BFSP2: variants seen among roughly 807,000 people sequenced by gnomAD.
BFSP2 encodes the protein phakinin.
In BFSP2, 38 loss-of-function variants were observed where a neutral mutation model predicts 44.9. The observed-to-expected ratio is 0.85, with a 90% confidence interval of 0.65 to 1.11. BFSP2 has a LOEUF of 1.11. Among genes scored for constraint, BFSP2 ranks in the 50% least tolerant of loss-of-function variants. BFSP2 has a pLI of 0.00. For synonymous variants in BFSP2, 197 were observed against 209.9 expected, an observed-to-expected ratio of 0.94 and a Z score of 0.53; for missense variants, 525 against 533.0, an observed-to-expected ratio of 0.99 and a Z score of 0.15.
In BFSP2 at chr3:133,450,398, C is replaced by G. The variant is rs748970209; in HGVS notation, c.825C>G (p.Ile275Met). Residue 275 changes from isoleucine to methionine, a missense_variant, in exon 4 of 7, where the codon ATC becomes ATG. Physicochemically the swap from Ile to Met is conservative, Grantham distance 10. Transcript: ENST00000302334. ...GTCTGGACGACATCCTTGAGACGAT[C>G]AGAATTCAGTGGGAGAGAGATGTTG... ...GTGLDDILET[I>M]RIQWERDVEK... The G allele has an allele frequency of 3.7e-6, 6 of 1,613,992 alleles. No homozygotes were observed. The highest frequency in any genetic ancestry group is 1.7e-5 in the Admixed American group (1 of 60,004).
intron 1 of BFSP2, among the ~76,000 whole-genome samples, chr3:133,434,216 A>C (rs183331758): frequency 6.6e-6 from 1 of 152,160 alleles, no homozygotes; most frequent in Admixed American, 6.5e-5. Flanking sequence ...CAATTCTTAG[A>C]CCTTTTATAC....
At chr3:133,402,585 A>T (rs1299720492) in intron 1 of BFSP2, among the ~76,000 whole-genome samples, 1 of 152,120 alleles carries the variant, frequency 6.6e-6, no homozygotes, top group Non-Finnish European at 1.5e-5. Context: ...CTTCTTTTTT[A>T]AAAAATCATG....
intron 1 of BFSP2, among the ~76,000 whole-genome samples, chr3:133,446,606 A>AAAGGAG (rs2107922082): frequency 2.3e-5 from 1 of 44,344 alleles, no homozygotes; most frequent in Non-Finnish European, 4.3e-5. Context: ...ATATATATAT[A>AAAGGAG]TATATATATA....
rs1244865829 is a variant in BFSP2, at chr3:133,415,265, GCTCTACTCACCC to G, written c.489+14706_489+14717del. Among the ~76,000 whole-genome samples, 10 of 18,662 alleles carry G rather than the reference GCTCTACTCACCC, an allele frequency of 5.4e-4. No individual in the cohort carries two copies. In the East Asian group the frequency reaches 0.021, roughly 39 times the overall value. The allele number at this position is 18,662 out of a possible 152,430, so 12.2% of individuals were successfully genotyped here. ...CCCTCTACTCACCCCTGCCCCCTCTGCTCTACTCACCCCTCTACTCACCCTTGCCCTCTCCCC... is the reference window on the plus strand; with the variant it reads ...CCCTCTACTCACCCCTGCCCCCTCTGCTCTACTCACCCTTGCCCTCTCCCC... On this transcript the variant is annotated intron_variant, in intron 1 of 6. Coordinates refer to ENST00000302334, the MANE Select transcript of BFSP2 (RefSeq NM_003571.4).
At chr3:133,429,307 T>C (rs900181086) in intron 1 of BFSP2, 1 of 152,220 alleles carries the variant, frequency 6.6e-6, no homozygotes, top group Non-Finnish European at 1.5e-5. Context: ...AGATTTATTT[T>C]AGGGAATTGG....
chr3:133,469,357 C>T lies in BFSP2; in HGVS notation c.1023+2398C>T, dbSNP rs151276012. Among the ~76,000 whole-genome samples, 291 of 152,346 alleles carry T rather than the reference C, an allele frequency of 1.9e-3. 2 individuals are homozygous for T. The highest frequency in any genetic ancestry group is 5.9e-3 in the African/African-American group (246 of 41,578). On this transcript the variant is annotated intron_variant, in intron 5 of 6. Coordinates refer to ENST00000302334, the MANE Select transcript of BFSP2 (RefSeq NM_003571.4). The stretch of plus-strand genomic sequence containing the variant: ...GCGATCTGTGCACACACAAGGCCCC[C>T]GCAGCTTATATAAGCTTCAGACAGC...
chr3:133,415,321 T>C (rs114019916), intron 1 of BFSP2, among the ~76,000 whole-genome samples: 785 of 16,460 alleles, frequency 0.048, 54 homozygotes, highest in African/African-American at 0.16. Context: ...CCCCTGTCCT[T>C]TCCCCTCTAC....
intron 1 of BFSP2, among the ~76,000 whole-genome samples, chr3:133,416,769 C>T (rs1576563361): frequency 6.9e-6 from 1 of 144,428 alleles, no homozygotes; most frequent in African/African-American, 2.6e-5. Flanking sequence ...TTACTTGCCC[C>T]TACACTCTCC....
chr3:133,405,212 G>A (rs939114820), intron 1 of BFSP2, among the ~76,000 whole-genome samples: 2 of 152,176 alleles, frequency 1.3e-5, no homozygotes, highest in Admixed American at 6.5e-5. Flanking sequence ...GAGCGCAGAG[G>A]TTCTAAATTA....
rs189098351 is a variant in BFSP2, at chr3:133,446,054, C to G, written c.490-1263C>G. 2.5e-3 allele frequency among the ~76,000 whole-genome samples: 381 copies of G among 152,222 alleles called. 2 individuals carry two copies. The highest frequency in any genetic ancestry group is 8.5e-3 in the African/African-American group (354 of 41,524). ...GATTAAGAACTGGGAAAGGGAGACA[C>G]CCTAGTCTGCCTGCTCCCCAGTGTG... On this transcript the variant is annotated intron_variant, in intron 1 of 6. Coordinates refer to ENST00000302334, the MANE Select transcript of BFSP2 (RefSeq NM_003571.4).
chr3:133,450,259 A>AT, intron 3 of BFSP2, 44 bp from the exon 4 acceptor site: 1 of 1,609,228 alleles, frequency 6.2e-7, no homozygotes, highest in East Asian at 2.2e-5. Flanking sequence ...TATGCCATTT[A>AT]TTTCCCCCCG....
At chr3:133,455,142 G>A (rs575151661) in intron 4 of BFSP2, among the ~76,000 whole-genome samples, 1 of 152,326 alleles carries the variant, frequency 6.6e-6, no homozygotes, top group East Asian at 1.9e-4. Flanking sequence ...TTAATAAGTA[G>A]GAGTATGCTA....
At chr3:133,414,933 ACCCCTCTACTCACCCTGCCATCT>A (rs1291861546) in intron 1 of BFSP2, among the ~76,000 whole-genome samples, 1 of 31,414 alleles carries the variant, frequency 3.2e-5, no homozygotes, top group Non-Finnish European at 6.3e-5. Flanking sequence ...CCCTCTGCTC[ACCCCTCTACTCACCCTGCCATCT>A]CCCCTCTACT....
intron 1 of BFSP2, among the ~76,000 whole-genome samples, chr3:133,431,991 A>G (rs964780177): frequency 5.9e-5 from 9 of 151,668 alleles, no homozygotes; most frequent in Non-Finnish European, 1.3e-4. Flanking sequence ...TTCCTCTCAT[A>G]TCCCCCCACC....
At chr3:133,438,657 T>A (rs951076557) in intron 1 of BFSP2, among the ~76,000 whole-genome samples, 10 of 152,212 alleles carry the variant, frequency 6.6e-5, no homozygotes, top group African/African-American at 2.2e-4. Flanking sequence ...TTTAACTTTT[T>A]AAATCAGGTG....
intron 1 of BFSP2, among the ~76,000 whole-genome samples, chr3:133,434,903 A>C (rs911326807): frequency 6.6e-6 from 1 of 151,940 alleles, no homozygotes; most frequent in Non-Finnish European, 1.5e-5. Flanking sequence ...GACTCAGCCC[A>C]CCTGCACCCA....
intron 1 of BFSP2, among the ~76,000 whole-genome samples, chr3:133,440,369 G>A (rs538450046): frequency 4.6e-4 from 70 of 152,232 alleles, no homozygotes; most frequent in Middle Eastern, 3.4e-3. Flanking sequence ...ATAGATCCCC[G>A]TCAGAATCAC....
chr3:133,467,422 G>A (rs894913618), intron 5 of BFSP2, among the ~76,000 whole-genome samples: 1 of 152,150 alleles, frequency 6.6e-6, no homozygotes, highest in African/African-American at 2.4e-5. Context: ...CCAGATTCCA[G>A]AGACCACATC....
chr3:133,421,357 T>C (rs919541928), intron 1 of BFSP2, among the ~76,000 whole-genome samples: 1 of 152,206 alleles, frequency 6.6e-6, no homozygotes, highest in Non-Finnish European at 1.5e-5. Context: ...CAGGGGCAGC[T>C]CCTTGTGAGG....
Sources: allele counts gnomAD v4.1 joint callset (sites outside exome capture counted in the v4.1 genomes callset), GRCh38; gene constraint gnomAD v4.1.1; transcripts MANE v1.5; gene names NCBI Gene and HGNC (gene_info 2026-07-23, HGNC 2026-07-21).